Variants in DNAJC6 observed in about 807,000 individuals in gnomAD.
The protein encoded by DNAJC6 is DnaJ heat shock protein family (Hsp40) member C6.
DNAJC6 carries 34 observed loss-of-function variants against 110.0 expected under a neutral mutation model. The ratio of observed to expected loss-of-function variants is 0.31; its 90% CI spans 0.24 to 0.41. The LOEUF is 0.41. DNAJC6 is among the 10% of genes least tolerant of loss of function. The pLI is 1.00. For missense variants in DNAJC6, 1,031 were observed against 1,207.8 expected (o/e 0.85, Z 2.17); for synonymous variants, 406 against 437.2 (o/e 0.93, Z 0.89).
intron 12 of DNAJC6, among the ~76,000 whole-genome samples, chr1:65,393,814 A>AT (rs1450738177): frequency 1.3e-5 from 2 of 151,852 alleles, no homozygotes; most frequent in Non-Finnish European, 1.5e-5. Flanking sequence ...CTATAGGAAC[A>AT]TTTTTTTTCC....
At chr1:65,377,911 C>T (rs1645781371) in intron 4 of DNAJC6, among the ~76,000 whole-genome samples, 1 of 152,208 alleles carries the variant, frequency 6.6e-6, no homozygotes, top group Admixed American at 6.5e-5. Flanking sequence ...CTGCAGAATT[C>T]CGTATCTCAG....
intron 6 of DNAJC6, among the ~76,000 whole-genome samples, 199 bp from the exon 7 acceptor site, chr1:65,385,513 G>A (rs903308300): frequency 3.9e-5 from 6 of 152,052 alleles, no homozygotes; most frequent in African/African-American, 1.2e-4. Flanking sequence ...AGTTCATTGG[G>A]GAAGTACAGC....
chr1:65,364,877 C>T, intron 2 of DNAJC6, 92 bp downstream of exon 2: 1 of 1,479,666 alleles, frequency 6.8e-7, no homozygotes, highest in Non-Finnish European at 9.2e-7. Flanking sequence ...CAAAGAGTGT[C>T]AATTTTGGGA....
chr1:65,355,282 A>G (rs1012224718), intron 1 of DNAJC6, among the ~76,000 whole-genome samples: 28 of 151,938 alleles, frequency 1.8e-4, no homozygotes, highest in Admixed American at 5.2e-4. Flanking sequence ...AAAAAAAAAA[A>G]AAAAGAAAAA....
chr1:65,294,133 T>C (rs1215883511), intron 1 of DNAJC6, among the ~76,000 whole-genome samples: 5 of 152,204 alleles, frequency 3.3e-5, no homozygotes, highest in Admixed American at 2.6e-4. Context: ...TTAAGACATA[T>C]CAGCAATACC....
intron 11 of DNAJC6, among the ~76,000 whole-genome samples, chr1:65,391,900 C>T (rs1645930962): frequency 6.6e-6 from 1 of 152,036 alleles, no homozygotes; most frequent in African/African-American, 2.4e-5. Flanking sequence ...GCCTCAGCCT[C>T]CCGAGTAGCT....
At chr1:65,357,891 G>A (rs1450140485) in intron 1 of DNAJC6, among the ~76,000 whole-genome samples, 1 of 152,118 alleles carries the variant, frequency 6.6e-6, no homozygotes, top group Non-Finnish European at 1.5e-5. Context: ...TAAAACTAAT[G>A]AATGTGGCCG....
chr1:65,303,730 T>TTGTG (rs1018542683), intron 1 of DNAJC6, among the ~76,000 whole-genome samples: 4 of 151,940 alleles, frequency 2.6e-5, no homozygotes, highest in African/African-American at 9.7e-5. Context: ...AGCTAATTTT[T>TTGTG]TGTTTGTTTG....
rs1467210007 is a variant in DNAJC6 at position 65,364,621 on chromosome 1, T to C, written c.194-14T>C. 4 of 1,530,952 alleles carry C rather than the reference T, an allele frequency of 2.6e-6. No individual in the cohort carries two copies. Among genetic ancestry groups the C allele is most frequent in the East Asian group, 2.3e-5 (1 of 43,132 alleles). 94.8% of individuals were successfully genotyped at this position (1,530,952 alleles called of 1,614,324 possible). On this transcript the variant is annotated splice_polypyrimidine_tract_variant and intron_variant, in intron 1 of 18. Coordinates refer to ENST00000371069, the MANE Select transcript of DNAJC6 (RefSeq NM_001256864.2). ...CACCATTTTTGTTTGTTTGTTTTTT[T>C]TTTTTTTTGGCAGGTGCCTCATCTC...
intron 15 of DNAJC6, 118 bp downstream of exon 15, chr1:65,401,998 T>C (rs1646034527): frequency 7.2e-7 from 1 of 1,384,692 alleles, no homozygotes; most frequent in Non-Finnish European, 9.8e-7. Flanking sequence ...AAATAGTGTG[T>C]ATTCTTAAGC....
intron 13 of DNAJC6, among the ~76,000 whole-genome samples, chr1:65,396,164 G>A (rs1258327972): frequency 6.6e-6 from 1 of 152,160 alleles, no homozygotes; most frequent in African/African-American, 2.4e-5. Flanking sequence ...ACTATTTGAA[G>A]TGCATCCTCA....
At chr1:65,334,504 G>T (rs1419203636) in intron 1 of DNAJC6, among the ~76,000 whole-genome samples, 1 of 152,178 alleles carries the variant, frequency 6.6e-6, no homozygotes, top group Non-Finnish European at 1.5e-5. Flanking sequence ...GGTGAGAATG[G>T]GAAGGAAAGC....
intron 1 of DNAJC6, among the ~76,000 whole-genome samples, chr1:65,290,964 G>A (rs189225306): frequency 0.01 from 1,597 of 152,292 alleles, 22 homozygotes; most frequent in Non-Finnish European, 0.012. Context: ...TTCTTTAAAA[G>A]TTCAGCAAAA....
chr1:65,364,149 A>G (rs892681725), intron 1 of DNAJC6, among the ~76,000 whole-genome samples: 1 of 152,208 alleles, frequency 6.6e-6, no homozygotes, highest in Non-Finnish European at 1.5e-5. Flanking sequence ...AATTTTCAGT[A>G]TCCACACCAA....
chr1:65,385,931 C>T, intron 7 of DNAJC6, 25 bp downstream of exon 7: 1 of 1,554,420 alleles, frequency 6.4e-7, no homozygotes, highest in Non-Finnish European at 8.8e-7. Flanking sequence ...TTTACTTCTT[C>T]CTATGTACTT....
intron 1 of DNAJC6, among the ~76,000 whole-genome samples, chr1:65,272,494 G>C (rs988552145): frequency 6.6e-6 from 1 of 152,142 alleles, no homozygotes; most frequent in East Asian, 1.9e-4. Context: ...ATTTCCTTTT[G>C]TTGTGGTGCC....
chr1:65,368,961 G>A (rs1022257936), intron 4 of DNAJC6, among the ~76,000 whole-genome samples: 2 of 151,970 alleles, frequency 1.3e-5, no homozygotes, highest in African/African-American at 4.8e-5. Context: ...TAGTAGAGAC[G>A]ATTTTGCCAT....
chr1:65,283,338 C>T (rs916093870), intron 1 of DNAJC6, among the ~76,000 whole-genome samples: 2 of 152,130 alleles, frequency 1.3e-5, no homozygotes, highest in Non-Finnish European at 2.9e-5. Context: ...GAAATTTAGT[C>T]TGTTCTCCAT....
At chr1:65,381,933 G>C (rs1369748627) in intron 5 of DNAJC6, among the ~76,000 whole-genome samples, 1 of 152,128 alleles carries the variant, frequency 6.6e-6, no homozygotes, top group Admixed American at 6.6e-5. Context: ...CACTCTCAAG[G>C]CTTAAATTAT....
Sources: allele counts gnomAD v4.1 joint callset (sites outside exome capture counted in the v4.1 genomes callset), GRCh38; gene constraint gnomAD v4.1.1; transcripts MANE v1.5; gene names NCBI Gene and HGNC (gene_info 2026-07-23, HGNC 2026-07-21).